ARAP2: variants seen among roughly 807,000 people sequenced by gnomAD.
The protein encoded by ARAP2 is arf-GAP with Rho-GAP domain, ANK repeat and PH domain-containing protein 2.
In ARAP2, 148 loss-of-function variants were observed where a neutral mutation model predicts 194.5. The ratio of observed to expected loss-of-function variants is 0.76; its 90% CI spans 0.67 to 0.87. ARAP2 has a LOEUF of 0.87. Among genes scored for constraint, ARAP2 ranks in the 40% least tolerant of loss-of-function variants. The pLI, the probability that ARAP2 is intolerant of heterozygous loss-of-function variation, is 0.00. For missense variants in ARAP2, 2,128 were observed against 1,989.7 expected (o/e 1.07, Z -1.32); for synonymous variants, 695 against 683.5 (o/e 1.02, Z -0.26).
intron 5 of ARAP2, among the ~76,000 whole-genome samples, chr4:36,024,270 A>G (rs999253373): frequency 6.6e-6 from 1 of 152,210 alleles, no homozygotes; most frequent in Non-Finnish European, 1.5e-5. Context: ...TGTTTATTCA[A>G]AATGACATTG....
At chr4:36,119,006 G>A (rs1165671293) in intron 24 of ARAP2, among the ~76,000 whole-genome samples, 1 of 151,118 alleles carries the variant, frequency 6.6e-6, no homozygotes, top group Non-Finnish European at 1.5e-5. Context: ...CATTTATATT[G>A]GTACCCTGAA....
chr4:36,176,251 G>A (rs1328050217), intron 9 of ARAP2, among the ~76,000 whole-genome samples: 1 of 152,004 alleles, frequency 6.6e-6, no homozygotes, highest in Non-Finnish European at 1.5e-5. Context: ...AGACAAAAAT[G>A]TCTTCCTCCT....
In ARAP2 at chr4:36,096,374, A is replaced by AAAAAAAAAAAAAAAAAAG. The variant is rs796310005; in HGVS notation, c.4286-4355_4286-4354insCTTTTTTTTTTTTTTTTT. ...AGTGAGACTCTCTCAAAAAAAAAAA[A>AAAAAAAAAAAAAAAAAAG]AAAAAAGAAAAAGGAAAAAAGTAGT... On this transcript the variant is annotated intron_variant, in intron 27 of 32. Transcript: ENST00000303965. Among the ~76,000 whole-genome samples, 210 of 141,954 alleles carry AAAAAAAAAAAAAAAAAAG rather than the reference A, an allele frequency of 1.5e-3. 3 individuals are homozygous for AAAAAAAAAAAAAAAAAAG. The highest frequency in any genetic ancestry group is 5.1e-3 in the African/African-American group (173 of 34,132). The allele number at this position is 141,954 out of a possible 152,430, so 93.1% of individuals were successfully genotyped here.
At chr4:36,009,885 G>GT (rs1375762974) in intron 9 of ARAP2, among the ~76,000 whole-genome samples, 1 of 143,090 alleles carries the variant, frequency 7.0e-6, no homozygotes, top group African/African-American at 2.6e-5. Context: ...TTTTTTGGCG[G>GT]GGGGTAGGGG....
rs1172099037 is a variant in ARAP2 at position 36,148,438 on chromosome 4, T to C, written c.2967A>G (p.Gln989=). 12 of 1,613,212 alleles carry C rather than the reference T, an allele frequency of 7.4e-6. No homozygotes were observed. Among genetic ancestry groups the C allele is most frequent in the East Asian group, 2.2e-5 (1 of 44,788 alleles). Residue 989 remains glutamine (Q), a synonymous_variant, in exon 17 of 33, where the codon CAA becomes CAG. Coordinates refer to ENST00000303965, the MANE Select transcript of ARAP2 (RefSeq NM_015230.4). ...TTGCCTCTGTCCATTTTCTTTGAGC[T>C]TGAGATGTTTCAGCTCCAAATAAAA... ...RVFLFGAETS[Q]AQRKWTEAIA...
intron 1 of ARAP2, among the ~76,000 whole-genome samples, chr4:36,232,702 C>T (rs980210284): frequency 6.6e-6 from 1 of 152,196 alleles, no homozygotes; most frequent in Admixed American, 6.5e-5. Flanking sequence ...GTATTACCTC[C>T]TCTGTGAAGG....
intron 14 of ARAP2, 49 bp downstream of exon 14, chr4:36,159,282 T>G: frequency 7.1e-7 from 1 of 1,409,130 alleles, no homozygotes; most frequent in Non-Finnish European, 9.4e-7. Context: ...TTCAGTCCTT[T>G]TACGGATCTA....
At chr4:36,156,198 C>T (rs138315236) in intron 15 of ARAP2, among the ~76,000 whole-genome samples, 1,562 of 151,240 alleles carry the variant, frequency 0.01, 33 homozygotes, top group African/African-American at 0.037. Flanking sequence ...AGGATAATTA[C>T]TTGAACCCAG....
intron 13 of ARAP2, 127 bp from the exon 14 acceptor site, chr4:36,159,632 AT>A: frequency 1.2e-6 from 1 of 849,268 alleles, no homozygotes; most frequent in Non-Finnish European, 1.6e-6. Context: ...AAGGCGGCTA[AT>A]AATAATTATG....
At chr4:36,169,775 G>A (rs1411814337) in intron 9 of ARAP2, among the ~76,000 whole-genome samples, 1 of 152,096 alleles carries the variant, frequency 6.6e-6, no homozygotes, top group African/African-American at 2.4e-5. Flanking sequence ...CTCGTGATCT[G>A]CCTGCCTTGG....
At chr4:36,184,268 T>C (rs1396063730) in intron 8 of ARAP2, among the ~76,000 whole-genome samples, 1 of 75,144 alleles carries the variant, frequency 1.3e-5, no homozygotes, top group Non-Finnish European at 2.5e-5. Flanking sequence ...AACATATAGA[T>C]GCATAAACAT....
intron 15 of ARAP2, 48 bp from the exon 16 acceptor site, chr4:36,151,092 C>A: frequency 2.0e-6 from 3 of 1,517,344 alleles, no homozygotes; most frequent in South Asian, 1.3e-5. Flanking sequence ...AATCACGAAT[C>A]CAATTTTAAA....
rs547450999 is a variant in ARAP2, at chr4:36,101,604, A to T, written c.4285+5961T>A. Among the ~76,000 whole-genome samples, 162 of 152,050 alleles carry T rather than the reference A, an allele frequency of 1.1e-3. 1 individual carries two copies. The highest frequency in any genetic ancestry group is 3.8e-3 in the African/African-American group (157 of 41,530). Reference sequence around the variant, plus strand: ...AGAGATAGCACTGGAGTTTTCAGTGATCAGATATGTTTTCTGATCACTGAA... The same window carrying T: ...AGAGATAGCACTGGAGTTTTCAGTGTTCAGATATGTTTTCTGATCACTGAA... On this transcript the variant is annotated intron_variant, in intron 27 of 32. Coordinates refer to ENST00000303965, the MANE Select transcript of ARAP2 (RefSeq NM_015230.4).
chr4:36,196,109 T>C (rs1001248506), intron 6 of ARAP2, among the ~76,000 whole-genome samples: 2 of 152,198 alleles, frequency 1.3e-5, no homozygotes, highest in Non-Finnish European at 2.9e-5. Context: ...CACGCAGAAT[T>C]AAATTCAAAG....
At chr4:36,129,325 C>A (rs1404005183) in intron 20 of ARAP2, among the ~76,000 whole-genome samples, 1 of 151,894 alleles carries the variant, frequency 6.6e-6, no homozygotes, top group African/African-American at 2.4e-5. Flanking sequence ...TCCTCCCAGG[C>A]TTCTTTTCCC....
chr4:36,190,291 T>A (rs1185311257), intron 7 of ARAP2, among the ~76,000 whole-genome samples: 1 of 152,220 alleles, frequency 6.6e-6, no homozygotes, highest in African/African-American at 2.4e-5. Context: ...TTTTCCTTTA[T>A]AACAATTATT....
At chr4:36,027,327 A>G (rs1718091706) in intron 5 of ARAP2, among the ~76,000 whole-genome samples, 1 of 151,916 alleles carries the variant, frequency 6.6e-6, no homozygotes, top group Non-Finnish European at 1.5e-5. Flanking sequence ...ACCTAAATCC[A>G]TCTAAGCCCG....
intron 19 of ARAP2, among the ~76,000 whole-genome samples, chr4:36,143,808 T>A (rs962397730): frequency 6.6e-6 from 1 of 151,888 alleles, no homozygotes. Context: ...ATAAAAATAC[T>A]TTGAACATAA....
chr4:36,227,732 C>T (rs2109334606), intron 2 of ARAP2, among the ~76,000 whole-genome samples: 1 of 152,222 alleles, frequency 6.6e-6, no homozygotes, highest in South Asian at 2.1e-4. Flanking sequence ...CTTGAACAGC[C>T]TCGTGTCTCA....
Sources: gnomAD v4.1 joint callset for allele counts (sites outside exome capture counted in the v4.1 genomes callset) on GRCh38, gnomAD v4.1.1 for gene constraint, MANE v1.5 for transcripts, NCBI Gene and HGNC (gene_info 2026-07-23, HGNC 2026-07-21) for gene names.